The following RBFOX1 variants were observed in gnomAD, a reference collection of about 807,000 sequenced individuals.
RBFOX1 encodes the protein RNA binding protein fox-1 homolog 1.
A neutral mutation model predicts 57.7 loss-of-function variants in RBFOX1; 8 were observed. The ratio of observed to expected loss-of-function variants is 0.14; its 90% CI spans 0.08 to 0.25. The LOEUF (loss-of-function observed/expected upper bound fraction) is 0.25. Ranked by LOEUF, RBFOX1 falls within the 10% of genes least tolerant of loss-of-function variation. The probability of loss-of-function intolerance (pLI) is 1.00; values close to 1 mark genes in which losing one functional copy is unlikely to be tolerated. For synonymous variants in RBFOX1, 326 were observed against 222.4 expected, an observed-to-expected ratio of 1.47 and a Z score of -4.15; for missense variants, 611 against 548.5, an observed-to-expected ratio of 1.11 and a Z score of -1.14.
intron 1 of RBFOX1, among the ~76,000 whole-genome samples, chr16:5,363,284 A>G (rs1313115128): frequency 2.0e-5 from 3 of 149,886 alleles, no homozygotes; most frequent in Non-Finnish European, 3.0e-5. Context: ...GCCTCATGTG[A>G]TCCACCTTCC....
chr16:6,667,497 A>C lies in RBFOX1; in HGVS notation c.-16+12847A>C, dbSNP rs553540778. ...GCTCTTATATAAAAGGGAGAGGAGG[A>C]GAGAATATTTTCTGGGGTCACTATG... On this transcript the variant is annotated intron_variant, in intron 3 of 15. Transcript: ENST00000550418. Among the ~76,000 whole-genome samples, 121 of 152,178 alleles carry C rather than the reference A, an allele frequency of 8.0e-4. 1 individual carries two copies. The highest frequency in any genetic ancestry group is 2.9e-3 in the African/African-American group (120 of 41,518).
At chr16:6,531,733 A>G (rs1179118864) in intron 2 of RBFOX1, among the ~76,000 whole-genome samples, 2 of 152,156 alleles carry the variant, frequency 1.3e-5, no homozygotes, top group African/African-American at 2.4e-5. Context: ...ATGGAGATTT[A>G]TAACATCAAA....
chr16:5,856,179 C>CTATATA (rs1404470500), intron 3 of RBFOX1, among the ~76,000 whole-genome samples: 120 of 54,344 alleles, frequency 2.2e-3, no homozygotes, highest in Non-Finnish European at 3.4e-3. Context: ...CTCTCTCTCT[C>CTATATA]TCTCTCTCTA....
At chr16:6,402,942 T>C (rs2093134448) in intron 2 of RBFOX1, among the ~76,000 whole-genome samples, 1 of 152,190 alleles carries the variant, frequency 6.6e-6, no homozygotes, top group Admixed American at 6.5e-5. Flanking sequence ...GTTTTTTTTG[T>C]GGATTAATAC....
At chr16:6,936,961 A>T in intron 3 of RBFOX1, among the ~76,000 whole-genome samples, 1 of 86,392 alleles carries the variant, frequency 1.2e-5, no homozygotes, top group Non-Finnish European at 2.2e-5. Context: ...GGGAGGGGGG[A>T]GGGATAGCAT....
chr16:5,508,505 C>T (rs544919077), intron 2 of RBFOX1, among the ~76,000 whole-genome samples: 1 of 152,326 alleles, frequency 6.6e-6, no homozygotes, highest in East Asian at 1.9e-4. Flanking sequence ...CAGGTCCTGC[C>T]CACTCCCGAG....
intron 4 of RBFOX1, among the ~76,000 whole-genome samples, chr16:7,418,074 G>A (rs555612615): frequency 6.6e-6 from 1 of 152,154 alleles, no homozygotes; most frequent in Admixed American, 6.5e-5. Flanking sequence ...GACACTCCCT[G>A]TCACTCTCTG....
chr16:6,483,576 G>A (rs1370506796), intron 2 of RBFOX1: 2 of 1,528,090 alleles, frequency 1.3e-6, no homozygotes, highest in East Asian at 2.5e-5. Context: ...CTAAAACACT[G>A]TCAGGGAAGG....
chr16:5,813,486 T>C (rs1168944840), intron 3 of RBFOX1, among the ~76,000 whole-genome samples: 8 of 152,218 alleles, frequency 5.3e-5, no homozygotes, highest in Non-Finnish European at 1.2e-4. Context: ...ATAAAGGGAA[T>C]GAAGCACTGA....
At chr16:7,222,815 C>A (rs1259574543) in intron 4 of RBFOX1, among the ~76,000 whole-genome samples, 1 of 152,186 alleles carries the variant, frequency 6.6e-6, no homozygotes, top group Non-Finnish European at 1.5e-5. Flanking sequence ...CTTCTGGGTA[C>A]TCATCATGAA....
intron 2 of RBFOX1, among the ~76,000 whole-genome samples, chr16:6,604,951 A>G (rs889518129): frequency 5.3e-5 from 8 of 152,126 alleles, no homozygotes; most frequent in Non-Finnish European, 1.0e-4. Context: ...CCTGGGCGAC[A>G]TGGCAAAACC....
At chr16:7,030,390 A>G (rs1880784163) in intron 3 of RBFOX1, among the ~76,000 whole-genome samples, 1 of 152,196 alleles carries the variant, frequency 6.6e-6, no homozygotes, top group South Asian at 2.1e-4. Context: ...ACAGAAGTTT[A>G]TTCATTCAAG....
intron 4 of RBFOX1, among the ~76,000 whole-genome samples, chr16:7,446,245 T>C (rs2098806778): frequency 6.6e-6 from 1 of 152,318 alleles, no homozygotes; most frequent in Non-Finnish European, 1.5e-5. Context: ...CCATGCGAAT[T>C]GACAGGAAGG....
chr16:6,407,409 G>T, intron 2 of RBFOX1, among the ~76,000 whole-genome samples: 1 of 151,516 alleles, frequency 6.6e-6, no homozygotes, highest in East Asian at 1.9e-4. Context: ...TTGTCTTTGT[G>T]TGTATCTATG....
chr16:7,182,347 T>C (rs949137936), intron 4 of RBFOX1, among the ~76,000 whole-genome samples: 7 of 152,292 alleles, frequency 4.6e-5, no homozygotes, highest in Middle Eastern at 3.4e-3. Flanking sequence ...GTAAAAAGCA[T>C]CTTCCATTCT....
At chr16:6,891,891 C>G (rs930894710) in intron 3 of RBFOX1, among the ~76,000 whole-genome samples, 2 of 152,124 alleles carry the variant, frequency 1.3e-5, no homozygotes, top group African/African-American at 2.4e-5. Context: ...TAAAACAATC[C>G]CTGCTCATTC....
rs75300220 is a variant in RBFOX1 at position 6,149,301 on chromosome 16, G to C, written c.-127+129309G>C. Among the ~76,000 whole-genome samples the C allele has an allele frequency of 1.8e-3, 277 of 152,336 alleles. 1 individual carries two copies. Among genetic ancestry groups the C allele is most frequent in the African/African-American group, 6.4e-3 (265 of 41,586 alleles). ...TGTACTTTGGATTTGAATGTCTGTT[G>C]TTCCCTTTACCAGATGTGTGTCCTT... On this transcript the variant is annotated intron_variant, in intron 1 of 15. Coordinates refer to ENST00000550418, the MANE Select transcript of RBFOX1 (RefSeq NM_018723.4).
At chr16:7,239,902 C>A (rs569510423) in intron 4 of RBFOX1, among the ~76,000 whole-genome samples, 1 of 152,142 alleles carries the variant, frequency 6.6e-6, no homozygotes, top group Admixed American at 6.5e-5. Context: ...GAACATTTCT[C>A]ATTGGTAGTT....
intron 4 of RBFOX1, among the ~76,000 whole-genome samples, chr16:7,210,960 G>C (rs1485669044): frequency 1.3e-5 from 2 of 151,500 alleles, no homozygotes; most frequent in East Asian, 1.9e-4. Flanking sequence ...AGGGAAGAAA[G>C]GAAACTAATT....
Sources: gnomAD v4.1 joint callset for allele counts (sites outside exome capture counted in the v4.1 genomes callset) on GRCh38, gnomAD v4.1.1 for gene constraint, MANE v1.5 for transcripts, NCBI Gene and HGNC (gene_info 2026-07-23, HGNC 2026-07-21) for gene names.